PIEZO2: variants seen among roughly 807,000 people sequenced by gnomAD.
PIEZO2 encodes piezo-type mechanosensitive ion channel component 2.
Under a neutral mutation model 337.3 loss-of-function variants are expected in PIEZO2, and 172 were observed. That is an observed-to-expected ratio of 0.51 (90% CI 0.45 to 0.58). The LOEUF is 0.58. PIEZO2 is among the 20% of genes least tolerant of loss of function. The pLI is 0.00. For missense variants in PIEZO2, 3,028 were observed against 3,391.3 expected, an observed-to-expected ratio of 0.89 and a Z score of 2.66; for synonymous variants, 1,251 against 1,228.5, an observed-to-expected ratio of 1.02 and a Z score of -0.38.
chr18:11,138,614 G>A (rs528973938), intron 1 of PIEZO2, among the ~76,000 whole-genome samples: 44 of 152,310 alleles, frequency 2.9e-4, no homozygotes, highest in Admixed American at 2.4e-3. Flanking sequence ...TTTTGAAATA[G>A]CTGCTATCTG....
intron 15 of PIEZO2, among the ~76,000 whole-genome samples, chr18:10,788,241 A>G: frequency 6.6e-6 from 1 of 152,082 alleles, no homozygotes; most frequent in East Asian, 1.9e-4. Flanking sequence ...GTCTCTACTA[A>G]AAATACAAAC....
intron 54 of PIEZO2, among the ~76,000 whole-genome samples, chr18:10,674,811 C>G (rs560055634): frequency 1.3e-5 from 2 of 152,288 alleles, no homozygotes; most frequent in East Asian, 3.9e-4. Flanking sequence ...TACTACTAAT[C>G]CTTGGGCTGA....
rs759006822 is a variant in PIEZO2, at chr18:10,870,131, C to T, written c.492+1122G>A. 2.0e-5 allele frequency among the ~76,000 whole-genome samples: 3 copies of T among 152,222 alleles called. No individual in the cohort carries two copies. The highest frequency in any genetic ancestry group is 4.4e-5 in the Non-Finnish European group (3 of 68,042). ...CCTCAGGTGATCTGCCCACCTGGGC[C>T]TCCCAAGGTGCTGGGATTACAGGTC... On this transcript the variant is annotated intron_variant, in intron 5 of 55. Coordinates refer to ENST00000674853, the MANE Select transcript of PIEZO2 (RefSeq NM_001378183.1). The surrounding 1 kb of genome is among the most constrained non-coding windows in gnomAD (Gnocchi z 5.3).
At chr18:10,730,828 G>T (rs899566862) in intron 36 of PIEZO2, among the ~76,000 whole-genome samples, 1 of 152,094 alleles carries the variant, frequency 6.6e-6, no homozygotes, top group Admixed American at 6.5e-5. Flanking sequence ...CCGGGTTCAC[G>T]CCGTTCTCCT....
chr18:10,960,210 T>C (rs902126265), intron 3 of PIEZO2, among the ~76,000 whole-genome samples: 3 of 152,150 alleles, frequency 2.0e-5, no homozygotes, highest in Non-Finnish European at 4.4e-5. Context: ...TTAATATTGG[T>C]TTTATTCAAC....
chr18:10,996,869 G>A (rs1223907807), intron 2 of PIEZO2, among the ~76,000 whole-genome samples: 1 of 152,080 alleles, frequency 6.6e-6, no homozygotes, highest in African/African-American at 2.4e-5. Context: ...CTGCTTTGAA[G>A]GCCTCTAACT....
Position 10,943,755 on chromosome 18 carries a change from G to T in PIEZO2, c.287-32527C>A, listed in dbSNP as rs1388409598. ...ATATGAGATTTGGGAGGGGCCAGGG[G>T]CAGAATGACATGGTTTAGTTCTGTG... On this transcript the variant is annotated intron_variant, in intron 3 of 55. Transcript: ENST00000674853. The surrounding 1 kb of genome is among the most constrained non-coding windows in gnomAD (Gnocchi z 4.5). Among the ~76,000 whole-genome samples the T allele has an allele frequency of 6.6e-6, 1 of 152,182 alleles. No homozygotes were observed. The highest frequency in any genetic ancestry group is 1.5e-5 in the Non-Finnish European group (1 of 68,030).
rs377309185 is a variant in PIEZO2, at chr18:10,731,437, G to C, written c.4999C>G (p.Arg1667Gly). ...TTGGATCCTTTCCGCCTTCGTTTCC[G>C]TTCTTCTCTTGCAGACCTTTTTTTC... Reference protein sequence around the residue: ...KEKKRSAREERKRRRKGSKEG... With the variant: ...KEKKRSAREEGKRRRKGSKEG... Residue 1667 changes from arginine to glycine, a missense_variant, in exon 36 of 56, where the codon CGG (arginine) becomes GGG (glycine). By Grantham distance (125) the Arg-to-Gly change is moderately radical. Around this residue, in one of 5 missense-constraint regions of PIEZO2, gnomAD observed 1,925 missense variants for 2,051.9 expected, o/e 0.94. Transcript: ENST00000674853. The C allele has an allele frequency of 2.0e-6, 3 of 1,534,904 alleles. No homozygotes were observed. The highest frequency in any genetic ancestry group is 2.7e-5 in the African/African-American group (2 of 72,728).
chr18:10,684,319 C>T (rs1422795494), intron 49 of PIEZO2, among the ~76,000 whole-genome samples: 1 of 68,382 alleles, frequency 1.5e-5, no homozygotes, highest in Non-Finnish European at 3.1e-5. Context: ...GTGCCCGCCA[C>T]CATGCCTGGC....
intron 1 of PIEZO2, among the ~76,000 whole-genome samples, chr18:11,114,046 G>A (rs1368135554): frequency 2.6e-5 from 4 of 152,194 alleles, no homozygotes; most frequent in Non-Finnish European, 5.9e-5. Context: ...GATGCACTAA[G>A]TAATCAAATA....
At position 10,748,671 on chromosome 18, in the gene PIEZO2, C is replaced by T; in HGVS notation, c.4265-41G>A. The T allele has an allele frequency of 7.2e-7, 1 of 1,388,408 alleles. No homozygotes were observed. The highest frequency in any genetic ancestry group is 3.3e-5 in the Admixed American group (1 of 30,566). 86.0% of individuals were successfully genotyped at this position (1,388,408 alleles called of 1,614,324 possible). ...AAAAACACACATTAAAATTAACATCCATTTTCATTGTAATTTTATAAAATC... is the reference window on the plus strand; with the variant it reads ...AAAAACACACATTAAAATTAACATCTATTTTCATTGTAATTTTATAAAATC... On this transcript the variant is annotated intron_variant, in intron 29 of 55. Coordinates refer to ENST00000674853, the MANE Select transcript of PIEZO2 (RefSeq NM_001378183.1). The surrounding 1 kb of genome is among the most constrained non-coding windows in gnomAD (Gnocchi z 5.1).
At chr18:10,686,647 G>A (rs1242778821) in intron 49 of PIEZO2, among the ~76,000 whole-genome samples, 1 of 152,164 alleles carries the variant, frequency 6.6e-6, no homozygotes, top group African/African-American at 2.4e-5. Flanking sequence ...CAGAAAAAGA[G>A]ACAACAAGCC....
chr18:10,718,781 G>A (rs1448236295), intron 36 of PIEZO2, among the ~76,000 whole-genome samples: 1 of 152,050 alleles, frequency 6.6e-6, no homozygotes, highest in Admixed American at 6.6e-5. Flanking sequence ...GGAGGTTGAG[G>A]AGAGAGGATA....
At chr18:11,018,902 A>G (rs1172789509) in intron 2 of PIEZO2, among the ~76,000 whole-genome samples, 1 of 152,128 alleles carries the variant, frequency 6.6e-6, no homozygotes, top group African/African-American at 2.4e-5. Context: ...ATCCCAAAAC[A>G]CTTCTTCACC....
rs1307571282 is a variant in PIEZO2, at chr18:11,079,161, G to A, written c.65-12939C>T. Among the ~76,000 whole-genome samples, 5 of 152,240 alleles carry A rather than the reference G, an allele frequency of 3.3e-5. No individual in the cohort carries two copies. The East Asian group carries it at 7.7e-4, about 24-fold the overall frequency. On this transcript the variant is annotated intron_variant, in intron 1 of 55. Coordinates refer to ENST00000674853, the MANE Select transcript of PIEZO2 (RefSeq NM_001378183.1). ...AGGTCTCCTAAACCCAGGCATAGAC[G>A]TTGTTTCACTTTCCCTGGCCCATCG...
At chr18:11,000,398 T>C (rs1568282146) in intron 2 of PIEZO2, among the ~76,000 whole-genome samples, 1 of 152,240 alleles carries the variant, frequency 6.6e-6, no homozygotes, top group Non-Finnish European at 1.5e-5. Flanking sequence ...TTATATCCTA[T>C]TATTTAATAA....
At chr18:11,045,320 A>AAAAAAAAG (rs1491014853) in intron 2 of PIEZO2, among the ~76,000 whole-genome samples, 6 of 148,472 alleles carry the variant, frequency 4.0e-5, no homozygotes, top group African/African-American at 1.5e-4. Flanking sequence ...AAAAAAAAAA[A>AAAAAAAAG]AGAGAAAACC....
chr18:10,736,669 C>G lies in PIEZO2; in HGVS notation c.4750G>C (p.Glu1584Gln). ...TTTAATTCTTCCTCTTCCTCCTCTTCACTATCCGTTTCAAACAAATAATAA... is the reference window on the plus strand; with the variant it reads ...TTTAATTCTTCCTCTTCCTCCTCTTGACTATCCGTTTCAAACAAATAATAA... ...GDYYLFETDSEEEEEEELKKE... is the reference protein window; with the variant it reads ...GDYYLFETDSQEEEEEELKKE... The change falls in exon 34 of 56, where the codon GAA becomes CAA. Residue 1584 changes from glutamate to glutamine, a missense_variant. Physicochemically the swap from Glu to Gln is conservative, Grantham distance 29. Around this residue, in one of 5 missense-constraint regions of PIEZO2, gnomAD observed 1,925 missense variants for 2,051.9 expected, o/e 0.94. Transcript: ENST00000674853. 6.5e-7 allele frequency: 1 copy of G among 1,537,078 alleles called. No homozygotes were observed. Among genetic ancestry groups the G allele is most frequent in the Non-Finnish European group, 8.7e-7 (1 of 1,146,768 alleles).
intron 7 of PIEZO2, among the ~76,000 whole-genome samples, chr18:10,827,169 C>T (rs191396676): frequency 3.3e-5 from 5 of 152,210 alleles, no homozygotes; most frequent in Admixed American, 6.5e-5. Flanking sequence ...ATTACAGATA[C>T]GAACAAGTTA....
Sources: allele counts gnomAD v4.1 joint callset (sites outside exome capture counted in the v4.1 genomes callset), GRCh38; gene constraint gnomAD v4.1.1; regional missense constraint gnomAD v4.1.1; non-coding constraint Gnocchi (gnomAD v3.1); transcripts MANE v1.5; gene names NCBI Gene and HGNC (gene_info 2026-07-23, HGNC 2026-07-21).